NUCB2: variants seen among roughly 807,000 people sequenced by gnomAD.
NUCB2 encodes the protein nucleobindin 2.
A neutral mutation model predicts 57.9 loss-of-function variants in NUCB2; 48 were observed. The ratio of observed to expected loss-of-function variants is 0.83; its 90% CI spans 0.66 to 1.05. The LOEUF is 1.05. Ranked by LOEUF, NUCB2 falls within the 50% of genes least tolerant of loss-of-function variation. NUCB2 has a pLI of 0.00. For synonymous variants in NUCB2, 139 were observed against 152.1 expected, an observed-to-expected ratio of 0.91 and a Z score of 0.64; for missense variants, 442 against 476.2, an observed-to-expected ratio of 0.93 and a Z score of 0.67.
intron 11 of NUCB2, among the ~76,000 whole-genome samples, chr11:17,325,281 G>C (rs765004601): frequency 1.3e-5 from 2 of 152,296 alleles, no homozygotes; most frequent in Non-Finnish European, 1.5e-5. Context: ...TGAAAGTGGG[G>C]TGTTGAAATC....
At chr11:17,334,465 TGA>T (rs1951646225), downstream of NUCB2, 1 of 152,268 alleles carries the variant, frequency 6.6e-6, no homozygotes, top group Non-Finnish European at 1.5e-5. Context: ...TACTTGGCTC[TGA>T]GTAAAAGTCT....
At chr11:17,345,696 C>G (rs936400737) in intron 2 of NUCB2, among the ~76,000 whole-genome samples, 2 of 152,068 alleles carry the variant, frequency 1.3e-5, no homozygotes, top group African/African-American at 2.4e-5. Context: ...GGCAGAGCGA[C>G]ACTCCGTCTC....
intron 10 of NUCB2, among the ~76,000 whole-genome samples, chr11:17,314,199 C>A (rs1948914778): frequency 6.6e-6 from 1 of 152,232 alleles, no homozygotes; most frequent in African/African-American, 2.4e-5. Context: ...TTGACCACTT[C>A]CCCCCACTTC....
intron 2 of NUCB2, among the ~76,000 whole-genome samples, chr11:17,339,313 T>A (rs954009025): frequency 2.0e-5 from 3 of 152,168 alleles, no homozygotes; most frequent in Non-Finnish European, 4.4e-5. Context: ...TGAGTAATGA[T>A]TTATTTTCCA....
intron 2 of NUCB2, among the ~76,000 whole-genome samples, chr11:17,294,152 G>T (rs952904926): frequency 9.9e-5 from 15 of 152,158 alleles, no homozygotes; most frequent in African/African-American, 3.4e-4. Flanking sequence ...GGAAGAGGAG[G>T]TGATTCATAG....
chr11:17,298,396 A>C (rs1355458822), intron 4 of NUCB2, among the ~76,000 whole-genome samples: 1 of 151,844 alleles, frequency 6.6e-6, no homozygotes, highest in Non-Finnish European at 1.5e-5. Context: ...TGAAACCCCT[A>C]TCTCTACCAA....
intron 11 of NUCB2, 54 bp downstream of exon 11, chr11:17,315,529 C>G (rs745409192): frequency 2.8e-6 from 3 of 1,053,244 alleles, no homozygotes; most frequent in Non-Finnish European, 4.4e-6. Flanking sequence ...CTACATCAGT[C>G]TATTCTACTT....
intron 5 of NUCB2, among the ~76,000 whole-genome samples, chr11:17,307,269 A>G (rs1947815684): frequency 6.6e-6 from 1 of 151,874 alleles, no homozygotes; most frequent in Non-Finnish European, 1.5e-5. Context: ...GTATCCTGTC[A>G]GTTCCCAATG....
Position 17,330,937 on chromosome 11 carries a change from A to G in NUCB2, c.1209A>G (p.Gln403=). 1 of 1,611,092 alleles carries G rather than the reference A, an allele frequency of 6.2e-7. No individual in the cohort carries two copies. The highest frequency in any genetic ancestry group is 8.5e-7 in the Non-Finnish European group (1 of 1,177,918). The stretch of plus-strand genomic sequence containing the variant: ...AGATGGAACAAAAAAAATTACAACA[A>G]GGAATTCCTCCATCAGGGCCAGCTG... ...IQQMEQKKLQ[Q]GIPPSGPAGE... Residue 403 remains glutamine (Q), a synonymous_variant, in exon 13 of 14, where the codon CAA becomes CAG. Coordinates refer to ENST00000529010, the MANE Select transcript of NUCB2 (RefSeq NM_005013.4). The surrounding 1 kb of genome is among the most constrained non-coding windows in gnomAD (Gnocchi z 4.3).
intron 2 of NUCB2, among the ~76,000 whole-genome samples, chr11:17,345,554 A>G (rs575280692): frequency 3.5e-4 from 54 of 152,238 alleles, no homozygotes; most frequent in African/African-American, 1.3e-3. Context: ...TAAAAATACA[A>G]AAATTAGCCG....
At chr11:17,304,464 G>A (rs1208429570) in intron 5 of NUCB2, among the ~76,000 whole-genome samples, 2 of 152,096 alleles carry the variant, frequency 1.3e-5, no homozygotes, top group Non-Finnish European at 2.9e-5. Context: ...AAAATGCTGG[G>A]ATTACAGGCA....
chr11:17,295,409 TAGACA>T lies in NUCB2; in HGVS notation c.93_97del (p.Thr32SerfsTer22), dbSNP rs779823932. The T allele has an allele frequency of 1.9e-6, 3 of 1,613,444 alleles. No individual in the cohort carries two copies. The highest frequency in any genetic ancestry group is 2.5e-6 in the Non-Finnish European group (3 of 1,179,778). On this transcript the variant is annotated frameshift_variant, in exon 3 of 14. Transcript: ENST00000529010. LOFTEE classifies it high-confidence loss of function. ...GCTCTTGAAGCTGTGCCTATTGACA[TAGACA>T]AGACAAAAGTACAAAATATTCACCC...
rs768132699 is a variant in NUCB2, at chr11:17,311,034, C to A, written c.669+24C>A. On this transcript the variant is annotated intron_variant, in intron 7 of 13. Transcript: ENST00000529010. ...CAGTAAGGATTGTGACTTTATGAAA[C>A]CATTTTTAGATAAAGATACTTCTTC... is the stretch of plus-strand genomic sequence containing the variant. 17 of 1,536,638 alleles carry A rather than the reference C, an allele frequency of 1.1e-5. 1 individual carries two copies. The East Asian group carries it at 1.4e-4, about 12-fold the overall frequency.
chr11:17,304,539 A>G (rs1173993581), intron 5 of NUCB2, among the ~76,000 whole-genome samples: 1 of 152,172 alleles, frequency 6.6e-6, no homozygotes, highest in Non-Finnish European at 1.5e-5. Context: ...AGGTAAAGTA[A>G]TTGGAAAGGA....
intron 2 of NUCB2, among the ~76,000 whole-genome samples, chr11:17,288,483 G>A (rs1163867535): frequency 1.3e-5 from 2 of 151,224 alleles, no homozygotes; most frequent in African/African-American, 2.4e-5. Context: ...GCAAGCCACT[G>A]CACCCAGCCC....
At chr11:17,318,837 GACTT>G (rs1949647341) in intron 11 of NUCB2, among the ~76,000 whole-genome samples, 1 of 152,132 alleles carries the variant, frequency 6.6e-6, no homozygotes, top group African/African-American at 2.4e-5. Context: ...CTTTTCAAAA[GACTT>G]ACGCCATTTA....
rs370725150 is a variant in NUCB2, at chr11:17,311,171, A to G, written c.670-22A>G. The G allele has an allele frequency of 6.4e-6, 10 of 1,571,180 alleles. No homozygotes were observed. In the African/African-American group the frequency reaches 8.3e-5, roughly 13 times the overall value. ...GATAGATTATATTTTGTTTTGAGCA[A>G]TTTTTTAAAATTGGTTCACAGGGAA... is the stretch of plus-strand genomic sequence containing the variant. On this transcript the variant is annotated intron_variant, in intron 7 of 13. Transcript: ENST00000529010.
intron 2 of NUCB2, among the ~76,000 whole-genome samples, chr11:17,285,014 A>AATAC (rs10566571): frequency 4.1e-4 from 62 of 151,272 alleles, no homozygotes; most frequent in Non-Finnish European, 6.5e-4. Context: ...ACAAAGTCTC[A>AATAC]ATACATACAT....
chr11:17,303,618 C>G (rs1199240613), intron 5 of NUCB2, among the ~76,000 whole-genome samples: 1 of 152,216 alleles, frequency 6.6e-6, no homozygotes, highest in Non-Finnish European at 1.5e-5. Flanking sequence ...GGCATGATGG[C>G]TCACGCCTGT....
Sources: gnomAD v4.1 joint callset for allele counts (sites outside exome capture counted in the v4.1 genomes callset) on GRCh38, gnomAD v4.1.1 for gene constraint, Gnocchi (gnomAD v3.1) non-coding constraint, MANE v1.5 for transcripts, NCBI Gene and HGNC (gene_info 2026-07-23, HGNC 2026-07-21) for gene names.